HPRT1: variants seen among roughly 807,000 people sequenced by gnomAD.
The protein encoded by HPRT1 is hypoxanthine phosphoribosyltransferase 1.
A neutral mutation model predicts 19.0 loss-of-function variants in HPRT1; 4 were observed. The observed-to-expected ratio is 0.21, with a 90% CI of 0.10 to 0.48. The LOEUF (loss-of-function observed/expected upper bound fraction) is 0.48. HPRT1 is among the 20% of genes least tolerant of loss of function. The pLI is 0.98. For synonymous variants in HPRT1, 53 were observed against 54.9 expected, an observed-to-expected ratio of 0.97 and a Z score of 0.15; for missense variants, 65 against 164.0, an observed-to-expected ratio of 0.40 and a Z score of 3.30.
chrX:134,463,426 C>CT (rs1030232087), intron 1 of HPRT1, among the ~76,000 whole-genome samples: 4 of 110,793 alleles, frequency 3.6e-5, no homozygotes, highest in South Asian at 3.8e-4. Flanking sequence ...AACGGAGCAC[C>CT]TTTTTTTTGT....
At chrX:134,468,139 ACT>A (rs2077601791) in intron 1 of HPRT1, among the ~76,000 whole-genome samples, 1 of 110,178 alleles carries the variant, frequency 9.1e-6, no homozygotes, top group Non-Finnish European at 1.9e-5. Context: ...GCAATTTAAC[ACT>A]GTTCACAGTT....
intron 2 of HPRT1, among the ~76,000 whole-genome samples, chrX:134,474,722 CAG>C (rs1029963267): frequency 9.0e-6 from 1 of 111,465 alleles, no homozygotes; most frequent in African/African-American, 3.3e-5. Flanking sequence ...TTCATTTAAT[CAG>C]AACCTGCCAG....
chrX:134,488,954 T>C (rs1297741037), intron 4 of HPRT1, among the ~76,000 whole-genome samples: 2 of 112,086 alleles, frequency 1.8e-5, no homozygotes, highest in Non-Finnish European at 3.8e-5. Context: ...ACCAATAGGC[T>C]GCAGTTGTCT....
At chrX:134,499,212 C>T (rs1245432948) in intron 8 of HPRT1, among the ~76,000 whole-genome samples, 3 of 112,094 alleles carry the variant, frequency 2.7e-5, no homozygotes, top group African/African-American at 9.7e-5. Flanking sequence ...GTTGCGGTGG[C>T]TCACACCTGT....
chrX:134,482,312 C>G (rs1254091974), intron 3 of HPRT1, among the ~76,000 whole-genome samples: 3 of 112,017 alleles, frequency 2.7e-5, no homozygotes, highest in Non-Finnish European at 5.6e-5. Context: ...ACCTCAGCCT[C>G]CCAAAGTGCT....
chrX:134,472,888 G>GT (rs1256630644), intron 1 of HPRT1, among the ~76,000 whole-genome samples: 1 of 107,676 alleles, frequency 9.3e-6, no homozygotes, highest in East Asian at 3.0e-4. Context: ...TTTTTTGTTT[G>GT]TTTGTTTTGT....
intron 4 of HPRT1, among the ~76,000 whole-genome samples, chrX:134,488,334 C>T (rs2077658709): frequency 9.1e-6 from 1 of 110,111 alleles, no homozygotes; most frequent in Non-Finnish European, 1.9e-5. Flanking sequence ...GACAGGGTTT[C>T]ACCATGTTGA....
chrX:134,469,050 G>A (rs1174452438), intron 1 of HPRT1, among the ~76,000 whole-genome samples: 5 of 110,854 alleles, frequency 4.5e-5, no homozygotes, highest in East Asian at 2.8e-4. Flanking sequence ...GAGCCACCTC[G>A]CCCGGCCTTG....
intron 5 of HPRT1, among the ~76,000 whole-genome samples, chrX:134,492,078 T>TA (rs1459797452): frequency 2.0e-5 from 2 of 101,245 alleles, no homozygotes; most frequent in African/African-American, 7.2e-5. Context: ...TTTTTTTTTT[T>TA]AAGTAGAGAT....
chrX:134,476,627 C>T (rs1185834644), intron 3 of HPRT1, among the ~76,000 whole-genome samples: 1 of 111,850 alleles, frequency 8.9e-6, no homozygotes, highest in Non-Finnish European at 1.9e-5. Flanking sequence ...TCTATAGCCT[C>T]CTTCCCCATC....
chrX:134,467,198 G>A (rs772689800), intron 1 of HPRT1, among the ~76,000 whole-genome samples: 2 of 109,910 alleles, frequency 1.8e-5, no homozygotes, highest in Non-Finnish European at 3.8e-5. Context: ...CTACAGGCAC[G>A]TGCCACCACA....
intron 1 of HPRT1, among the ~76,000 whole-genome samples, chrX:134,469,872 A>G (rs1374924397): frequency 8.9e-6 from 1 of 112,618 alleles, no homozygotes; most frequent in Non-Finnish European, 1.9e-5. Context: ...TTTTTATAAT[A>G]TCTAGCAAGG....
intron 3 of HPRT1, among the ~76,000 whole-genome samples, chrX:134,482,057 G>C (rs2077641908): frequency 9.0e-6 from 1 of 110,981 alleles, no homozygotes; most frequent in Admixed American, 9.6e-5. Flanking sequence ...TTTGTTTTTT[G>C]TTTTTTTCTT....
intron 4 of HPRT1, among the ~76,000 whole-genome samples, chrX:134,488,360 A>G (rs1337083995): frequency 2.8e-5 from 3 of 108,657 alleles, no homozygotes; most frequent in South Asian, 8.1e-4. Flanking sequence ...CTGATCTCCA[A>G]CTCCTGATCT....
intron 1 of HPRT1, among the ~76,000 whole-genome samples, chrX:134,465,531 A>G (rs1321510150): frequency 1.8e-5 from 2 of 112,243 alleles, no homozygotes; most frequent in Non-Finnish European, 3.8e-5. Context: ...TATTTCAGTA[A>G]TCGATTATAG....
chrX:134,494,354 C>T (rs2077675092), intron 6 of HPRT1, among the ~76,000 whole-genome samples: 1 of 112,232 alleles, frequency 8.9e-6, no homozygotes, highest in Admixed American at 9.5e-5. Flanking sequence ...AGTCTCTGAT[C>T]AGTCTGCAGT....
chrX:134,470,894 T>C (rs1379854299), intron 1 of HPRT1, among the ~76,000 whole-genome samples: 1 of 105,666 alleles, frequency 9.5e-6, no homozygotes, highest in Non-Finnish European at 1.9e-5. Context: ...ATAGCGAGAC[T>C]TCGTCTCTAA....
intron 4 of HPRT1, among the ~76,000 whole-genome samples, chrX:134,486,887 G>A (rs760431619): frequency 1.8e-5 from 2 of 108,495 alleles, no homozygotes; most frequent in African/African-American, 3.4e-5. Context: ...CTAAAAGATA[G>A]CAAAGCAGTA....
At chrX:134,499,379 G>A (rs1362385497) in intron 8 of HPRT1, among the ~76,000 whole-genome samples, 2 of 111,485 alleles carry the variant, frequency 1.8e-5, no homozygotes, top group Non-Finnish European at 3.8e-5. Context: ...CTGGGAGGCT[G>A]AGGCAGGAGA....
Sources: allele counts gnomAD v4.1 joint callset (sites outside exome capture counted in the v4.1 genomes callset), GRCh38; gene constraint gnomAD v4.1.1; transcripts MANE v1.5; gene names NCBI Gene and HGNC (gene_info 2026-07-23, HGNC 2026-07-21).